The following PPP6R2 variants were observed in gnomAD, a reference collection of about 807,000 sequenced individuals.
PPP6R2 encodes the protein serine/threonine-protein phosphatase 6 regulatory subunit 2.
PPP6R2 carries 62 observed loss-of-function variants against 100.2 expected under a neutral mutation model. The ratio of observed to expected loss-of-function variants is 0.62; its 90% confidence interval spans 0.50 to 0.76. The LOEUF is 0.76. Among genes scored for constraint, PPP6R2 ranks in the 30% least tolerant of loss-of-function variants. The pLI is 0.00. For synonymous variants in PPP6R2, 525 were observed against 514.7 expected, an observed-to-expected ratio of 1.02 and a Z score of -0.27; for missense variants, 1,142 against 1,276.3, an observed-to-expected ratio of 0.89 and a Z score of 1.60.
At chr22:50,421,855 G>A (rs566011929) in intron 8 of PPP6R2, among the ~76,000 whole-genome samples, 2 of 152,230 alleles carry the variant, frequency 1.3e-5, no homozygotes, top group African/African-American at 2.4e-5. Context: ...GTGACAGAGC[G>A]AGACTCTGGC....
In PPP6R2 at chr22:50,437,559, T is replaced by G. The variant is rs2064622045; in HGVS notation, c.1737T>G (p.Phe579Leu). ...QQMTANFVDQ[F>L]GFNDEEFADQ... ...TGACAGCCAACTTCGTGGATCAGTTTGGCTTCAATGATGAGGAGTTTGCCG... is the reference window on the plus strand; with the variant it reads ...TGACAGCCAACTTCGTGGATCAGTTGGGCTTCAATGATGAGGAGTTTGCCG... Residue 579 changes from phenylalanine to leucine, a missense_variant, in exon 16 of 24, where the codon TTT (phenylalanine) becomes TTG (leucine). Physicochemically the swap from Phe to Leu is conservative, Grantham distance 22. Around this residue, in one of 2 missense-constraint regions of PPP6R2, gnomAD observed 592 missense variants for 758.9 expected, o/e 0.78. Coordinates refer to ENST00000612753, the MANE Select transcript of PPP6R2 (RefSeq NM_001242898.2). 6.2e-7 allele frequency: 1 copy of G among 1,612,456 alleles called. No individual in the cohort carries two copies. Among genetic ancestry groups the G allele is most frequent in the African/African-American group, 1.3e-5 (1 of 74,632 alleles).
At chr22:50,432,365 GC>G in intron 12 of PPP6R2, 36 bp downstream of exon 12, 1 of 1,527,650 alleles carries the variant, frequency 6.5e-7, no homozygotes. Flanking sequence ...ACCCAGCCTG[GC>G]CAGTCAGGGA....
chr22:50,441,234 T>G (rs1326893447), intron 22 of PPP6R2, among the ~76,000 whole-genome samples: 1 of 152,090 alleles, frequency 6.6e-6, no homozygotes, highest in Admixed American at 6.5e-5. Flanking sequence ...ATGGGAGAAG[T>G]GTGGGGCCTT....
At chr22:50,346,799 C>T (rs549402004) in intron 1 of PPP6R2, among the ~76,000 whole-genome samples, 5 of 137,884 alleles carry the variant, frequency 3.6e-5, no homozygotes, top group South Asian at 2.5e-4. Context: ...GTCAGAGTCC[C>T]GCATCCCTGT....
Position 50,443,849 on chromosome 22 carries a change from C to T in PPP6R2, c.2580-17C>T. ...GGGTGGGGGTGCCCGTAACCGGAGT[C>T]CATGTTTGCCACACAGGGTCGGGTG... On this transcript the variant is annotated splice_polypyrimidine_tract_variant and intron_variant, in intron 22 of 23. Coordinates refer to ENST00000612753, the MANE Select transcript of PPP6R2 (RefSeq NM_001242898.2). 1 of 1,561,436 alleles carries T rather than the reference C, an allele frequency of 6.4e-7. No individual in the cohort carries two copies.
intron 1 of PPP6R2, among the ~76,000 whole-genome samples, chr22:50,370,826 G>T (rs931064902): frequency 6.6e-6 from 1 of 151,192 alleles, no homozygotes; most frequent in Non-Finnish European, 1.5e-5. Flanking sequence ...TAGAGACGGG[G>T]TTTCACCATG....
At chr22:50,371,378 G>A (rs1316874785) in intron 1 of PPP6R2, among the ~76,000 whole-genome samples, 1 of 152,040 alleles carries the variant, frequency 6.6e-6, no homozygotes, top group East Asian at 1.9e-4. Flanking sequence ...AAGGAGGTGT[G>A]AACCAGCTGA....
intron 10 of PPP6R2, among the ~76,000 whole-genome samples, chr22:50,430,873 CAA>C (rs375308909): frequency 1.4e-4 from 12 of 85,650 alleles, no homozygotes; most frequent in Admixed American, 3.6e-4. Flanking sequence ...GACTCCGTCT[CAA>C]AAAAAAAAAA....
chr22:50,353,215 G>A (rs1448956954), intron 1 of PPP6R2, among the ~76,000 whole-genome samples: 1 of 152,174 alleles, frequency 6.6e-6, no homozygotes, highest in Non-Finnish European at 1.5e-5. Flanking sequence ...CTAGCTTTTG[G>A]CCTGTCGGCT....
intron 4 of PPP6R2, among the ~76,000 whole-genome samples, chr22:50,408,658 A>G (rs1399131791): frequency 6.6e-6 from 1 of 152,196 alleles, no homozygotes; most frequent in Non-Finnish European, 1.5e-5. Context: ...CTTGCAGCCC[A>G]GTGACTAGAT....
Position 50,407,275 on chromosome 22 carries a change from A to AAGCAGAGG in PPP6R2, c.414+400_414+401insAGCAGAGG, listed in dbSNP as rs1556125756. Among the ~76,000 whole-genome samples the AAGCAGAGG allele has an allele frequency of 8.0e-3, 1,209 of 151,580 alleles. 6 individuals are homozygous for AAGCAGAGG. Among genetic ancestry groups the AAGCAGAGG allele is most frequent in the Middle Eastern group, 0.017 (5 of 294 alleles). On this transcript the variant is annotated intron_variant, in intron 4 of 23. Transcript: ENST00000612753. ...GGCAGGAGAATCGCTTGAACCTGGG[A>AAGCAGAGG]GGCAGAGGTTGCAGTGAGCTGAGAT...
intron 16 of PPP6R2, 98 bp downstream of exon 16, chr22:50,437,701 C>A: frequency 7.1e-7 from 1 of 1,407,958 alleles, no homozygotes; most frequent in Non-Finnish European, 9.9e-7. Flanking sequence ...GGAGTGCCGT[C>A]TGATGTCCCC....
chr22:50,436,436 G>A lies in PPP6R2; in HGVS notation c.1586G>A (p.Arg529Lys). ...VEETLTETNR[R>K]NTVDLVSTHH... ...GAGACGCTGACGGAGACGAACCGCA[G>A]GAACACTGTGGACCTGGTGAGGAGG... The change falls in exon 14 of 24, where the codon AGG becomes AAG. Residue 529 changes from arginine (R) to lysine (K), a missense_variant. Arg to Lys is a conservative substitution (Grantham distance 26). This residue lies in a region of PPP6R2 where 592 missense variants were observed against 758.9 expected (regional missense o/e 0.78). Transcript: ENST00000612753. The A allele has an allele frequency of 1.9e-6, 3 of 1,591,906 alleles. No individual in the cohort carries two copies. The highest frequency in any genetic ancestry group is 2.6e-6 in the Non-Finnish European group (3 of 1,170,644).
chr22:50,354,248 T>C (rs1197219531), intron 1 of PPP6R2, among the ~76,000 whole-genome samples: 1 of 152,066 alleles, frequency 6.6e-6, no homozygotes, highest in Admixed American at 6.6e-5. Flanking sequence ...GAGATTGTAG[T>C]GAGCCAAGAT....
chr22:50,438,027 C>A, intron 17 of PPP6R2, 127 bp downstream of exon 17: 3 of 1,489,686 alleles, frequency 2.0e-6, no homozygotes, highest in South Asian at 1.2e-5. Flanking sequence ...GAGCTCGGAA[C>A]AGTCGCTTTC....
intron 10 of PPP6R2, among the ~76,000 whole-genome samples, chr22:50,430,873 CAAAA>C (rs375308909): frequency 3.5e-5 from 3 of 85,680 alleles, no homozygotes; most frequent in Admixed American, 1.2e-4. Flanking sequence ...GACTCCGTCT[CAAAA>C]AAAAAAAAAA....
intron 12 of PPP6R2, 57 bp from the exon 13 acceptor site, chr22:50,434,909 G>T: frequency 6.7e-7 from 1 of 1,499,054 alleles, no homozygotes; most frequent in Non-Finnish European, 9.0e-7. Context: ...TCTCTGGGTC[G>T]TGGGTCTGGC....
rs2044531882 is a variant in PPP6R2 at position 50,349,518 on chromosome 22, A to G, written c.-148+5968A>G. ...GCCCCATCTCTGCCAAAAATAAATAAAAGCACACCCACAAAAGCAGAATGT... is the reference window on the plus strand; with the variant it reads ...GCCCCATCTCTGCCAAAAATAAATAGAAGCACACCCACAAAAGCAGAATGT... On this transcript the variant is annotated intron_variant, in intron 1 of 23. Transcript: ENST00000612753. Among the ~76,000 whole-genome samples the G allele has an allele frequency of 2.0e-5, 3 of 151,930 alleles. No homozygotes were observed. The South Asian group carries it at 6.2e-4, about 32-fold the overall frequency.
chr22:50,436,035 C>T (rs2064178150), intron 13 of PPP6R2, among the ~76,000 whole-genome samples: 2 of 152,206 alleles, frequency 1.3e-5, no homozygotes, highest in Admixed American at 6.5e-5. Flanking sequence ...TCCACGGCTT[C>T]TGCGTTTCTG....
Sources: allele counts gnomAD v4.1 joint callset (sites outside exome capture counted in the v4.1 genomes callset), GRCh38; gene constraint gnomAD v4.1.1; regional missense constraint gnomAD v4.1.1; transcripts MANE v1.5; gene names NCBI Gene and HGNC (gene_info 2026-07-23, HGNC 2026-07-21).